CARMIL1: variants seen among roughly 807,000 people sequenced by gnomAD.
CARMIL1 encodes the protein F-actin-uncapping protein LRRC16A.
Under a neutral mutation model 177.1 loss-of-function variants are expected in CARMIL1, and 90 were observed. The observed-to-expected ratio is 0.51, with a 90% CI of 0.43 to 0.61. The LOEUF (loss-of-function observed/expected upper bound fraction) is 0.61, where lower values mean the gene tolerates loss of function less well. Among genes scored for constraint, CARMIL1 ranks in the 20% least tolerant of loss-of-function variants. The pLI is 0.00. For missense variants in CARMIL1, 1,380 were observed against 1,667.0 expected (o/e 0.83, Z 3.00); for synonymous variants, 577 against 606.2 (o/e 0.95, Z 0.71).
chr6:25,486,264 C>T (rs1007536792), intron 12 of CARMIL1, among the ~76,000 whole-genome samples: 4 of 152,070 alleles, frequency 2.6e-5, no homozygotes, highest in African/African-American at 4.8e-5. Context: ...ACACAGGCCT[C>T]ATGTGAGCAT....
intron 29 of CARMIL1, among the ~76,000 whole-genome samples, chr6:25,578,761 T>G (rs542154420): frequency 6.5e-4 from 99 of 152,272 alleles, no homozygotes; most frequent in African/African-American, 2.4e-3. Flanking sequence ...CTACAAGATA[T>G]GATAGGTATA....
intron 2 of CARMIL1, among the ~76,000 whole-genome samples, chr6:25,364,282 G>T (rs1408973209): frequency 6.6e-6 from 1 of 151,840 alleles, no homozygotes; most frequent in Non-Finnish European, 1.5e-5. Context: ...CATTCTTTTT[G>T]TGTGTGTGTA....
At chr6:25,480,660 T>C (rs530202534) in intron 11 of CARMIL1, among the ~76,000 whole-genome samples, 2 of 148,244 alleles carry the variant, frequency 1.3e-5, no homozygotes, top group East Asian at 3.9e-4. Flanking sequence ...ATTATTTATA[T>C]TTAATTTAAA....
intron 23 of CARMIL1, among the ~76,000 whole-genome samples, chr6:25,528,322 G>A (rs6913974): frequency 0.43 from 64,941 of 151,752 alleles, 14,051 homozygotes; most frequent in East Asian, 0.48. Context: ...CTCTTTTTAC[G>A]TAAAAATAAA....
chr6:25,437,972 A>G (rs1015120306), intron 5 of CARMIL1, among the ~76,000 whole-genome samples: 1 of 152,198 alleles, frequency 6.6e-6, no homozygotes, highest in Non-Finnish European at 1.5e-5. Flanking sequence ...TTCATAATTC[A>G]AACAGTATCT....
intron 13 of CARMIL1, among the ~76,000 whole-genome samples, chr6:25,490,739 AAATAAAT>A (rs1803134070): frequency 7.9e-6 from 1 of 126,066 alleles, no homozygotes; most frequent in Non-Finnish European, 1.5e-5. Flanking sequence ...ATAAATAAAT[AAATAAAT>A]AAATAAAAAA....
chr6:25,398,756 G>A (rs1025060356), intron 2 of CARMIL1, among the ~76,000 whole-genome samples: 1 of 152,148 alleles, frequency 6.6e-6, no homozygotes, highest in Non-Finnish European at 1.5e-5. Flanking sequence ...AGTAAATAAT[G>A]TAACCAAGGA....
At chr6:25,415,822 A>G (rs1795307567) in intron 2 of CARMIL1, among the ~76,000 whole-genome samples, 1 of 152,118 alleles carries the variant, frequency 6.6e-6, no homozygotes. Flanking sequence ...AAAGGAATAA[A>G]TAAAGTAACA....
chr6:25,564,631 T>C (rs1811400153), intron 29 of CARMIL1, among the ~76,000 whole-genome samples: 1 of 152,188 alleles, frequency 6.6e-6, no homozygotes, highest in South Asian at 2.1e-4. Context: ...TTGTGCCATG[T>C]GTCTCACTTT....
Position 25,284,811 on chromosome 6 carries a change from G to A in CARMIL1, c.41-1G>A. On this transcript the variant is annotated splice_acceptor_variant, in intron 1 of 36. Transcript: ENST00000329474. LOFTEE classifies it high-confidence loss of function. Reference sequence around the variant, plus strand: ...ATAACATAATTCCTTTTTTTTTTCAGAAAGCATAAAGGATGTTATTGGCAG... The same window carrying A: ...ATAACATAATTCCTTTTTTTTTTCAAAAAGCATAAAGGATGTTATTGGCAG... 1 of 1,471,912 alleles carries A rather than the reference G, an allele frequency of 6.8e-7. No individual in the cohort carries two copies. Among genetic ancestry groups the A allele is most frequent in the South Asian group, 1.3e-5 (1 of 78,932 alleles). 91.2% of individuals were successfully genotyped at this position (1,471,912 alleles called of 1,614,324 possible). A position where few individuals can be genotyped will look rare whatever the true frequency, so the allele number is the denominator to read the frequency against.
intron 24 of CARMIL1, among the ~76,000 whole-genome samples, chr6:25,533,282 A>G (rs1289303497): frequency 6.6e-6 from 1 of 152,082 alleles, no homozygotes; most frequent in Non-Finnish European, 1.5e-5. Context: ...TCATCTCTTG[A>G]TAAAAGGAGG....
intron 2 of CARMIL1, among the ~76,000 whole-genome samples, chr6:25,330,436 T>G (rs750391077): frequency 4.6e-5 from 7 of 152,158 alleles, no homozygotes; most frequent in Non-Finnish European, 7.3e-5. Flanking sequence ...GGAGAGATGA[T>G]CAGATTTCCA....
intron 1 of CARMIL1, among the ~76,000 whole-genome samples, chr6:25,284,595 G>A (rs141912817): frequency 6.6e-6 from 1 of 152,198 alleles, no homozygotes; most frequent in Admixed American, 6.5e-5. Context: ...TGTAGTCTCA[G>A]CTGTTCGGGA....
At chr6:25,564,159 T>A (rs1811361322) in intron 29 of CARMIL1, among the ~76,000 whole-genome samples, 1 of 152,220 alleles carries the variant, frequency 6.6e-6, no homozygotes. Flanking sequence ...CAAAAAAGTT[T>A]GAGAAACTTT....
At chr6:25,331,689 T>G (rs980999939) in intron 2 of CARMIL1, among the ~76,000 whole-genome samples, 1 of 152,104 alleles carries the variant, frequency 6.6e-6, no homozygotes, top group African/African-American at 2.4e-5. Flanking sequence ...TCCTATTAGA[T>G]CTCTAGAAAG....
chr6:25,582,250 A>G lies in CARMIL1; in HGVS notation c.3006+811A>G, dbSNP rs141386373. On this transcript the variant is annotated intron_variant, in intron 31 of 36. Coordinates refer to ENST00000329474, the MANE Select transcript of CARMIL1 (RefSeq NM_017640.6). ...CTTGATGTTTCAGCAGTTCCTTGAC[A>G]CAGAAAGCTCTGTCATTCCCGACAG... Among the ~76,000 whole-genome samples, 726 of 152,314 alleles carry G rather than the reference A, an allele frequency of 4.8e-3. 4 individuals are homozygous for G. The highest frequency in any genetic ancestry group is 0.015 in the African/African-American group (628 of 41,558).
chr6:25,606,191 G>A lies in CARMIL1; in HGVS notation c.3765G>A (p.Pro1255=), dbSNP rs768934405. The part of the protein sequence containing the change: ...SRSSSSTPTS[P]KPLLQSPKPS... ...GCTCATCCAGCACACCTACGAGCCCGAAGCCCCTCCTGCAGTCCCCCAAAC... is the reference window on the plus strand; with the variant it reads ...GCTCATCCAGCACACCTACGAGCCCAAAGCCCCTCCTGCAGTCCCCCAAAC... The change falls in exon 35 of 37, where the codon CCG becomes CCA. Residue 1255 remains proline (P), a synonymous_variant. Coordinates refer to ENST00000329474, the MANE Select transcript of CARMIL1 (RefSeq NM_017640.6). The A allele has an allele frequency of 3.1e-6, 5 of 1,613,844 alleles. No homozygotes were observed. In the African/African-American group the frequency reaches 5.3e-5, roughly 17 times the overall value.
intron 12 of CARMIL1, among the ~76,000 whole-genome samples, chr6:25,486,311 T>C (rs769843531): frequency 3.9e-5 from 6 of 152,160 alleles, no homozygotes; most frequent in Non-Finnish European, 8.8e-5. Flanking sequence ...CTTCATGCTG[T>C]TTCAGTAGCA....
chr6:25,400,064 G>A lies in CARMIL1; in HGVS notation c.139-20050G>A, dbSNP rs115667829. Among the ~76,000 whole-genome samples the A allele has an allele frequency of 4.6e-3, 697 of 152,270 alleles. 4 individuals are homozygous for A. The highest frequency in any genetic ancestry group is 0.016 in the African/African-American group (649 of 41,538). ...GGTCCAGGCGTGTCTGTCTTGAGAAGCGCTGTACCATTCACCTTACAATTA... is the reference window on the plus strand; with the variant it reads ...GGTCCAGGCGTGTCTGTCTTGAGAAACGCTGTACCATTCACCTTACAATTA... On this transcript the variant is annotated intron_variant, in intron 2 of 36. Transcript: ENST00000329474.
Sources: gnomAD v4.1 joint callset for allele counts (sites outside exome capture counted in the v4.1 genomes callset) on GRCh38, gnomAD v4.1.1 for gene constraint, MANE v1.5 for transcripts, NCBI Gene and HGNC (gene_info 2026-07-23, HGNC 2026-07-21) for gene names.